Variants in NRG3 observed in about 807,000 individuals in gnomAD.
NRG3 encodes pro-neuregulin-3, membrane-bound isoform.
Under a neutral mutation model 66.9 loss-of-function variants are expected in NRG3, and 31 were observed. That is an observed-to-expected ratio of 0.46 (90% CI 0.35 to 0.63). The LOEUF (loss-of-function observed/expected upper bound fraction) is 0.63, where lower values mean the gene tolerates loss of function less well. Ranked by LOEUF, NRG3 falls within the 20% of genes least tolerant of loss-of-function variation. The pLI is 0.00. For missense variants in NRG3, 910 were observed against 878.9 expected (o/e 1.04, Z -0.45); for synonymous variants, 393 against 359.4 (o/e 1.09, Z -1.06).
chr10:82,082,630 A>C (rs2065460144), intron 1 of NRG3, among the ~76,000 whole-genome samples: 1 of 152,154 alleles, frequency 6.6e-6, no homozygotes, highest in African/African-American at 2.4e-5. Context: ...AGCCTGACAA[A>C]AAATAGAGAT....
At chr10:82,135,345 T>C (rs1266465069) in intron 1 of NRG3, among the ~76,000 whole-genome samples, 1 of 152,132 alleles carries the variant, frequency 6.6e-6, no homozygotes, top group Non-Finnish European at 1.5e-5. Flanking sequence ...CTGCTTGGCA[T>C]GCTGTAACTT....
intron 2 of NRG3, among the ~76,000 whole-genome samples, chr10:82,618,555 CATA>C (rs1348202825): frequency 6.6e-6 from 1 of 152,046 alleles, no homozygotes; most frequent in Non-Finnish European, 1.5e-5. Flanking sequence ...TTTCATTAAG[CATA>C]ATAACGTGCA....
intron 2 of NRG3, among the ~76,000 whole-genome samples, chr10:82,663,929 T>A (rs1244962408): frequency 6.6e-6 from 1 of 152,166 alleles, no homozygotes; most frequent in Non-Finnish European, 1.5e-5. Flanking sequence ...ACCTGTTAGG[T>A]CACTGACCAC....
chr10:82,603,968 C>G (rs1470912466), intron 2 of NRG3, among the ~76,000 whole-genome samples: 2 of 152,216 alleles, frequency 1.3e-5, no homozygotes, highest in South Asian at 2.1e-4. Flanking sequence ...TGACCCTTAA[C>G]TGCCTATCGG....
chr10:82,724,598 T>A (rs1041022740), intron 2 of NRG3, among the ~76,000 whole-genome samples: 6 of 152,190 alleles, frequency 3.9e-5, no homozygotes, highest in Admixed American at 3.9e-4. Context: ...GATTCAGGCA[T>A]GTGAGCTGTA....
intron 2 of NRG3, among the ~76,000 whole-genome samples, chr10:82,620,751 T>TG (rs1401946126): frequency 6.6e-6 from 1 of 152,150 alleles, no homozygotes; most frequent in Non-Finnish European, 1.5e-5. Context: ...GACTTGATGG[T>TG]GGGGTTTCAC....
intron 4 of NRG3, among the ~76,000 whole-genome samples, chr10:82,938,853 G>A (rs1239720557): frequency 6.6e-6 from 1 of 152,188 alleles, no homozygotes; most frequent in African/African-American, 2.4e-5. Context: ...CCTAGAATGT[G>A]ACTTTGCCAA....
intron 3 of NRG3, among the ~76,000 whole-genome samples, chr10:82,755,691 C>T (rs2059049102): frequency 6.6e-6 from 1 of 152,092 alleles, no homozygotes; most frequent in Non-Finnish European, 1.5e-5. Flanking sequence ...AAGGACAAAA[C>T]CATTCCACTG....
intron 2 of NRG3, among the ~76,000 whole-genome samples, chr10:82,370,488 G>A (rs1307074335): frequency 7.2e-6 from 1 of 138,192 alleles, no homozygotes; most frequent in African/African-American, 3.4e-5. Flanking sequence ...ATAGGGGAAT[G>A]GAAAGCCAAA....
chr10:82,037,361 T>G (rs1487659498), intron 1 of NRG3, among the ~76,000 whole-genome samples: 1 of 152,086 alleles, frequency 6.6e-6, no homozygotes, highest in Non-Finnish European at 1.5e-5. Context: ...CAGTTTGAAG[T>G]CTGGTCTCCA....
intron 1 of NRG3, among the ~76,000 whole-genome samples, chr10:81,985,151 C>T (rs752877696): frequency 4.5e-4 from 69 of 152,200 alleles, no homozygotes; most frequent in Middle Eastern, 3.2e-3. Flanking sequence ...ATTCACTAAA[C>T]AATCCTTCGA....
At chr10:81,956,615 A>G (rs1436025162) in intron 1 of NRG3, among the ~76,000 whole-genome samples, 2 of 152,132 alleles carry the variant, frequency 1.3e-5, no homozygotes, top group Non-Finnish European at 2.9e-5. Flanking sequence ...ACTGTCCACC[A>G]CAGCTGGTCC....
intron 2 of NRG3, among the ~76,000 whole-genome samples, chr10:82,371,481 A>G (rs1370718014): frequency 1.3e-5 from 2 of 152,138 alleles, no homozygotes; most frequent in South Asian, 2.1e-4. Flanking sequence ...TTCCGAGTCC[A>G]CTGTAAAGTG....
At chr10:82,944,635 C>A (rs1173280510) in intron 4 of NRG3, among the ~76,000 whole-genome samples, 2 of 152,144 alleles carry the variant, frequency 1.3e-5, no homozygotes, top group Non-Finnish European at 2.9e-5. Context: ...TCAACCCAAG[C>A]CTGCTGGGGC....
chr10:82,490,613 A>C (rs1189252080), intron 2 of NRG3, among the ~76,000 whole-genome samples: 2 of 152,140 alleles, frequency 1.3e-5, no homozygotes, highest in Non-Finnish European at 2.9e-5. Context: ...ATTAAAAATT[A>C]TAGCTTCAGC....
intron 1 of NRG3, among the ~76,000 whole-genome samples, chr10:82,211,865 C>G (rs1369186789): frequency 6.6e-6 from 1 of 152,250 alleles, no homozygotes; most frequent in East Asian, 1.9e-4. Flanking sequence ...GACCATAACA[C>G]ACCCCTATAC....
At chr10:82,499,891 A>T (rs1843992308) in intron 2 of NRG3, among the ~76,000 whole-genome samples, 1 of 152,212 alleles carries the variant, frequency 6.6e-6, no homozygotes, top group African/African-American at 2.4e-5. Context: ...TAATCTAACA[A>T]AGAGTTCTTG....
At chr10:82,021,727 T>C (rs1204926406) in intron 1 of NRG3, among the ~76,000 whole-genome samples, 3 of 151,790 alleles carry the variant, frequency 2.0e-5, no homozygotes. Flanking sequence ...GGAAGATAAT[T>C]TTATATCAGC....
rs539883574 is a variant in NRG3, at chr10:82,853,382, C to A, written c.1028-12029C>A. Reference sequence around the variant, plus strand: ...CATTGAATTTGTAGATTGCTTTTGGCAGCATGGTCATTTTCACAATATTGA... The same window carrying A: ...CATTGAATTTGTAGATTGCTTTTGGAAGCATGGTCATTTTCACAATATTGA... On this transcript the variant is annotated intron_variant, in intron 3 of 8. Coordinates refer to ENST00000372141, the MANE Select transcript of NRG3 (RefSeq NM_001010848.4). Among the ~76,000 whole-genome samples, 276 of 152,138 alleles carry A rather than the reference C, an allele frequency of 1.8e-3. 2 individuals carry two copies. Among genetic ancestry groups the A allele is most frequent in the Non-Finnish European group, 3.1e-3 (214 of 68,028 alleles).
Sources: allele counts gnomAD v4.1 joint callset (sites outside exome capture counted in the v4.1 genomes callset), GRCh38; gene constraint gnomAD v4.1.1; transcripts MANE v1.5; gene names NCBI Gene and HGNC (gene_info 2026-07-23, HGNC 2026-07-21).